ARB2A: variants seen among roughly 807,000 people sequenced by gnomAD.
ARB2A encodes ARB2 cotranscriptional regulator A, also known as cotranscriptional regulator ARB2A.
chr5:93,953,253 G>T, the ARB2A span, among the ~76,000 whole-genome samples: 1 of 152,244 alleles, frequency 6.6e-6, no homozygotes, highest in Non-Finnish European at 1.5e-5. Context: ...AGTATTTATT[G>T]CAGTCTTTGC....
At chr5:93,989,317 T>G in the ARB2A span, among the ~76,000 whole-genome samples, 256 of 152,286 alleles carry the variant, frequency 1.7e-3, 1 homozygote, top group African/African-American at 5.8e-3. Context: ...TAAATATAAC[T>G]ATAACTACTA....
chr5:93,744,858 T>A, the ARB2A span, among the ~76,000 whole-genome samples: 1 of 152,146 alleles, frequency 6.6e-6, no homozygotes, highest in Non-Finnish European at 1.5e-5. Flanking sequence ...ATCAGGCCAG[T>A]CTTATCCATG....
the ARB2A span, among the ~76,000 whole-genome samples, chr5:93,912,488 C>A: frequency 6.6e-6 from 1 of 151,576 alleles, no homozygotes; most frequent in African/African-American, 2.4e-5. Flanking sequence ...AGCTAGTTTC[C>A]ATCCACTTAC....
chr5:93,968,461 G>C, the ARB2A span, among the ~76,000 whole-genome samples: 2 of 152,216 alleles, frequency 1.3e-5, no homozygotes, highest in Non-Finnish European at 1.5e-5. Context: ...ACTGGACATG[G>C]CCAAGGAAAG....
the ARB2A span, among the ~76,000 whole-genome samples, chr5:93,885,820 A>C: frequency 6.6e-6 from 1 of 151,742 alleles, no homozygotes; most frequent in Non-Finnish European, 1.5e-5. Flanking sequence ...TTTATTCAGC[A>C]AAAGTACTTG....
At chr5:94,054,488 A>G in the ARB2A span, among the ~76,000 whole-genome samples, 83 of 152,298 alleles carry the variant, frequency 5.4e-4, no homozygotes, top group Non-Finnish European at 8.7e-4. Flanking sequence ...TCTGGAAAGA[A>G]TATCACTGAG....
chr5:93,806,617 T>C, the ARB2A span, among the ~76,000 whole-genome samples: 1 of 151,944 alleles, frequency 6.6e-6, no homozygotes, highest in Non-Finnish European at 1.5e-5. Context: ...AGGTTATTGC[T>C]CTTGTATAAT....
the ARB2A span, among the ~76,000 whole-genome samples, chr5:93,974,528 T>G: frequency 6.6e-6 from 1 of 152,040 alleles, no homozygotes; most frequent in Non-Finnish European, 1.5e-5. Context: ...CAAAAGCTAT[T>G]AAACAGATCA....
chr5:94,065,966 C>T, the ARB2A span, among the ~76,000 whole-genome samples: 1 of 151,944 alleles, frequency 6.6e-6, no homozygotes, highest in Non-Finnish European at 1.5e-5. Context: ...CAGGATAGAC[C>T]ATATGTTAGG....
chr5:94,040,592 G>C, the ARB2A span, among the ~76,000 whole-genome samples: 1 of 149,336 alleles, frequency 6.7e-6, no homozygotes, highest in Admixed American at 6.8e-5. Context: ...CTATGAGTGA[G>C]AACATGTGAG....
chr5:93,878,591 G>T, the ARB2A span, among the ~76,000 whole-genome samples: 2 of 151,680 alleles, frequency 1.3e-5, no homozygotes, highest in Non-Finnish European at 2.9e-5. Context: ...TGTAAATTTG[G>T]ATCAGTATTA....
chr5:94,001,193 G>A, the ARB2A span, among the ~76,000 whole-genome samples: 86 of 152,014 alleles, frequency 5.7e-4, no homozygotes, highest in Non-Finnish European at 9.9e-4. Context: ...TAACTTGCTG[G>A]GATTTTTATT....
the ARB2A span, among the ~76,000 whole-genome samples, chr5:93,857,165 G>A: frequency 3.9e-5 from 6 of 152,196 alleles, no homozygotes; most frequent in South Asian, 2.1e-4. Flanking sequence ...AGGAGTACCC[G>A]GCTGTGTGAG....
At chr5:93,710,698 G>C in the ARB2A span, among the ~76,000 whole-genome samples, 1 of 151,982 alleles carries the variant, frequency 6.6e-6, no homozygotes, top group South Asian at 2.1e-4. Flanking sequence ...TTCTTTTATG[G>C]GAAAATACTG....
chr5:93,703,308 G>A, the ARB2A span, among the ~76,000 whole-genome samples: 16 of 152,294 alleles, frequency 1.1e-4, no homozygotes, highest in Admixed American at 1.0e-3. Flanking sequence ...GCAACTATCA[G>A]ATCTGGATTA....
At chr5:93,791,426 CA>C in the ARB2A span, among the ~76,000 whole-genome samples, 2 of 152,154 alleles carry the variant, frequency 1.3e-5, no homozygotes, top group African/African-American at 4.8e-5. Context: ...GCATATACCC[CA>C]AACGTATAAA....
chr5:93,923,463 TTC>T, the ARB2A span, among the ~76,000 whole-genome samples: 1 of 152,194 alleles, frequency 6.6e-6, no homozygotes, highest in East Asian at 1.9e-4. Flanking sequence ...TGGGTAATTT[TTC>T]TTTTTGTGTT....
chr5:93,870,224 G>A, the ARB2A span, among the ~76,000 whole-genome samples: 1 of 152,166 alleles, frequency 6.6e-6, no homozygotes, highest in Non-Finnish European at 1.5e-5. Context: ...AGGGAGGAGG[G>A]AGGAAGGAGG....
the ARB2A span, among the ~76,000 whole-genome samples, chr5:94,056,341 G>A: frequency 6.6e-6 from 1 of 152,098 alleles, no homozygotes; most frequent in African/African-American, 2.4e-5. Flanking sequence ...ACCTGATATA[G>A]ATTTTTTTAT....
Sources: gnomAD v4.1 joint callset for allele counts (sites outside exome capture counted in the v4.1 genomes callset) on GRCh38, gnomAD v4.1.1 for gene constraint, MANE v1.5 for transcripts, NCBI Gene and HGNC (gene_info 2026-07-23, HGNC 2026-07-21) for gene names.